Variants in TMEM63A observed in about 807,000 individuals in gnomAD.
The protein encoded by TMEM63A is mechanosensitive cation channel TMEM63A.
A neutral mutation model predicts 100.6 loss-of-function variants in TMEM63A; 76 were observed. That is an observed-to-expected ratio of 0.76 (90% CI 0.63 to 0.91). The LOEUF is 0.91. Among genes scored for constraint, TMEM63A ranks in the 40% least tolerant of loss-of-function variants. The pLI is 0.00. For synonymous variants in TMEM63A, 401 were observed against 401.1 expected (o/e 1.00, Z 0.00); for missense variants, 876 against 1,008.8 (o/e 0.87, Z 1.78).
intron 6 of TMEM63A, among the ~76,000 whole-genome samples, chr1:225,869,118 T>C (rs1176904353): frequency 6.6e-6 from 1 of 152,110 alleles, no homozygotes; most frequent in African/African-American, 2.4e-5. Context: ...CAGACCACAG[T>C]GTAATCCAGC....
At chr1:225,847,306 C>A in intron 23 of TMEM63A, 93 bp from the exon 24 acceptor site, 1 of 1,472,186 alleles carries the variant, frequency 6.8e-7, no homozygotes, top group Non-Finnish European at 9.2e-7. Context: ...AGGACACAGA[C>A]AGTGGCCATA....
chr1:225,850,532 G>C (rs57932384), intron 20 of TMEM63A, among the ~76,000 whole-genome samples: 6,077 of 152,260 alleles, frequency 0.04, 200 homozygotes, highest in East Asian at 0.15. Context: ...ACTGGTGCAT[G>C]ATTGCTCGCT....
At chr1:225,872,084 ATAATTCT>A (rs748221572) in intron 4 of TMEM63A, 31 bp from the exon 5 acceptor site, 6 of 1,499,048 alleles carry the variant, frequency 4.0e-6, no homozygotes, top group Non-Finnish European at 5.5e-6. Flanking sequence ...AAAATGACAG[ATAATTCT>A]TAGAAAAAAA....
intron 9 of TMEM63A, 174 bp downstream of exon 9, chr1:225,866,400 A>G: frequency 3.3e-6 from 2 of 599,694 alleles, no homozygotes; most frequent in South Asian, 4.1e-5. Flanking sequence ...CCACCAGGAA[A>G]CTGTTTTTTT....
chr1:225,879,471 G>C (rs945620032), intron 1 of TMEM63A, 61 bp from the exon 2 acceptor site: 6 of 152,336 alleles, frequency 3.9e-5, no homozygotes, highest in African/African-American at 1.4e-4. Context: ...GTAGGGGTCT[G>C]GATGGAAACC....
At chr1:225,869,666 C>CTTTTCTTTTCTTTTCTTTT (rs76862516) in intron 6 of TMEM63A, among the ~76,000 whole-genome samples, 1 of 109,914 alleles carries the variant, frequency 9.1e-6, no homozygotes, top group Non-Finnish European at 1.7e-5. Flanking sequence ...CTTTTCTTTT[C>CTTTTCTTTTCTTTTCTTTT]TTTTTTTTTT....
chr1:225,862,411 C>G lies in TMEM63A; in HGVS notation c.951+44G>C, dbSNP rs767853563. On this transcript the variant is annotated intron_variant, in intron 12 of 24. Coordinates refer to ENST00000366835, the MANE Select transcript of TMEM63A (RefSeq NM_014698.3). This position sits in a 1 kb window ranked among gnomAD's most constrained non-coding sequence, Gnocchi z 5.1. ...CCCCATGCTGGTATCTGGGGCACCC[C>G]GATGCCAATGCCTCTGCTCCCAGCC... 1.2e-6 allele frequency: 2 copies of G among 1,613,796 alleles called. No homozygotes were observed. Among genetic ancestry groups the G allele is most frequent in the East Asian group, 2.2e-5 (1 of 44,862 alleles).
intron 4 of TMEM63A, among the ~76,000 whole-genome samples, chr1:225,872,289 G>A (rs1670548058): frequency 6.6e-6 from 1 of 152,128 alleles, no homozygotes; most frequent in African/African-American, 2.4e-5. Flanking sequence ...ATAGCAAGGG[G>A]TCAACACCCA....
At chr1:225,861,056 T>A in intron 13 of TMEM63A, 59 bp from the exon 14 acceptor site, 3 of 1,555,354 alleles carry the variant, frequency 1.9e-6, no homozygotes, top group Non-Finnish European at 2.6e-6. Flanking sequence ...AGCACACATG[T>A]GGCAAGTGGG....
At chr1:225,881,077 C>A (rs1671063992) in intron 1 of TMEM63A, among the ~76,000 whole-genome samples, 1 of 152,216 alleles carries the variant, frequency 6.6e-6, no homozygotes, top group Non-Finnish European at 1.5e-5. Context: ...AAGTAAAGTA[C>A]AAACTTCTCC....
At chr1:225,847,265 T>C in intron 23 of TMEM63A, 52 bp from the exon 24 acceptor site, 1 of 1,581,890 alleles carries the variant, frequency 6.3e-7, no homozygotes, top group Non-Finnish European at 8.6e-7. Context: ...GCTTCCACAC[T>C]GCATCCCTCC....
rs1669475242 is a variant in TMEM63A at position 225,853,796 on chromosome 1, G to A, written c.1635-5C>T. 6.3e-7 allele frequency: 1 copy of A among 1,592,832 alleles called. No individual in the cohort carries two copies. The highest frequency in any genetic ancestry group is 1.3e-5 in the African/African-American group (1 of 74,606). ...TGGTCAGGCAGGAAGACGCACCTGG[G>A]GAAACCAGGGCCCAGGTCTGTGAGC... On this transcript the variant is annotated splice_polypyrimidine_tract_variant and splice_region_variant and intron_variant, in intron 18 of 24. Coordinates refer to ENST00000366835, the MANE Select transcript of TMEM63A (RefSeq NM_014698.3). The surrounding 1 kb of genome is among the most constrained non-coding windows in gnomAD (Gnocchi z 4.0).
chr1:225,850,980 G>C (rs1669302253), intron 20 of TMEM63A, among the ~76,000 whole-genome samples: 1 of 152,088 alleles, frequency 6.6e-6, no homozygotes, highest in Non-Finnish European at 1.5e-5. Flanking sequence ...CAAAGTGCTG[G>C]GATTACAGGC....
Position 225,853,653 on chromosome 1 carries a change from A to G in TMEM63A, c.1773T>C (p.Ala591=), listed in dbSNP as rs1215581853. 2 of 1,572,150 alleles carry G rather than the reference A, an allele frequency of 1.3e-6. No homozygotes were observed. Among genetic ancestry groups the G allele is most frequent in the Admixed American group, 1.9e-5 (1 of 52,796 alleles). Residue 591 remains alanine (A), a synonymous_variant, in exon 19 of 25, where the codon GCT becomes GCC. Transcript: ENST00000366835. This position sits in a 1 kb window ranked among gnomAD's most constrained non-coding sequence, Gnocchi z 4.0. The stretch of plus-strand genomic sequence containing the variant: ...CCTGCTTGACATTCCTGCGGTCAGC[A>G]GCCGTCTTGGCCATGATCATGCGGA... ...YTFRMIMAKT[A]ADRRNVKQNQ... is the part of the protein sequence containing the mutation.
chr1:225,874,189 C>A, intron 4 of TMEM63A, 99 bp downstream of exon 4: 2 of 1,202,242 alleles, frequency 1.7e-6, no homozygotes, highest in Non-Finnish European at 2.4e-6. Flanking sequence ...ACACACTATA[C>A]ACACATATAT....
chr1:225,854,073 G>A (rs1669490953), intron 18 of TMEM63A, among the ~76,000 whole-genome samples: 1 of 152,172 alleles, frequency 6.6e-6, no homozygotes, highest in African/African-American at 2.4e-5. Flanking sequence ...AGCACTAGAG[G>A]AAAACAAAGC....
rs866894040 is a variant in TMEM63A, at chr1:225,866,104, C to T, written c.676-137G>A. On this transcript the variant is annotated intron_variant, in intron 9 of 24. Transcript: ENST00000366835. ...GGCTCCAGTTTTCTCCTTCTGTGGC[C>T]GGGGGAGCCCCCAAAGCATGTCATT... 2.1e-5 allele frequency: 18 copies of T among 873,058 alleles called. No homozygotes were observed. In the Middle Eastern group the frequency reaches 1.1e-3, roughly 54 times the overall value. 54.1% of individuals were successfully genotyped at this position (873,058 alleles called of 1,614,324 possible).
chr1:225,855,209 G>T (rs1275777796), intron 18 of TMEM63A, among the ~76,000 whole-genome samples: 1 of 152,106 alleles, frequency 6.6e-6, no homozygotes, highest in Non-Finnish European at 1.5e-5. Flanking sequence ...AGTCTGTAGG[G>T]GCTGGGGTTG....
downstream of TMEM63A, among the ~76,000 whole-genome samples, chr1:225,844,231 C>T (rs1343027810): frequency 1.3e-5 from 2 of 150,158 alleles, no homozygotes; most frequent in African/African-American, 4.9e-5. Flanking sequence ...AGGTCAGTGG[C>T]AGGAGAGAGG....
Sources: allele counts gnomAD v4.1 joint callset (sites outside exome capture counted in the v4.1 genomes callset), GRCh38; gene constraint gnomAD v4.1.1; non-coding constraint Gnocchi (gnomAD v3.1); transcripts MANE v1.5; gene names NCBI Gene and HGNC (gene_info 2026-07-23, HGNC 2026-07-21).